DLGAP2: variants seen among roughly 807,000 people sequenced by gnomAD.
DLGAP2 encodes DLG associated protein 2.
A neutral mutation model predicts 100.3 loss-of-function variants in DLGAP2; 26 were observed. The observed-to-expected ratio is 0.26, with a 90% CI of 0.19 to 0.36. DLGAP2 has a LOEUF of 0.36. Among genes scored for constraint, DLGAP2 ranks in the 10% least tolerant of loss-of-function variants. DLGAP2 has a pLI of 1.00. For synonymous variants in DLGAP2, 886 were observed against 630.1 expected (o/e 1.41, Z -6.08); for missense variants, 1,858 against 1,453.2 (o/e 1.28, Z -4.53).
chr8:793,145 T>C (rs1239257769), intron 1 of DLGAP2, among the ~76,000 whole-genome samples: 3 of 152,224 alleles, frequency 2.0e-5, no homozygotes. Flanking sequence ...TCGCTTTTCA[T>C]TTGGCTGATG....
At chr8:1,579,788 C>G in intron 6 of DLGAP2, among the ~76,000 whole-genome samples, 1 of 152,150 alleles carries the variant, frequency 6.6e-6, no homozygotes, top group East Asian at 1.9e-4. Context: ...TGTTACATAT[C>G]GTTGCGTGAC....
At chr8:1,325,539 C>T (rs529105911) in intron 3 of DLGAP2, among the ~76,000 whole-genome samples, 29 of 152,318 alleles carry the variant, frequency 1.9e-4, no homozygotes, top group African/African-American at 7.0e-4. Context: ...ATTGCTAGCT[C>T]AGGCCAAATT....
chr8:901,559 G>C (rs775092863), intron 1 of DLGAP2, among the ~76,000 whole-genome samples: 1 of 152,202 alleles, frequency 6.6e-6, no homozygotes, highest in Non-Finnish European at 1.5e-5. Flanking sequence ...AAATGATCAC[G>C]GTGAGATGTG....
At chr8:1,249,319 G>A (rs1002583403) in intron 2 of DLGAP2, among the ~76,000 whole-genome samples, 16 of 152,148 alleles carry the variant, frequency 1.1e-4, no homozygotes, top group African/African-American at 2.2e-4. Flanking sequence ...CTGCATGAGC[G>A]TCTCAGGGCC....
At chr8:1,212,694 A>T (rs1798130437) in intron 2 of DLGAP2, among the ~76,000 whole-genome samples, 1 of 152,014 alleles carries the variant, frequency 6.6e-6, no homozygotes, top group African/African-American at 2.4e-5. Flanking sequence ...CCTGGGAGTG[A>T]TTAAGAAACC....
At chr8:962,910 C>G (rs1051038546) in intron 2 of DLGAP2, among the ~76,000 whole-genome samples, 3 of 152,184 alleles carry the variant, frequency 2.0e-5, no homozygotes, top group East Asian at 1.9e-4. Context: ...GTGCCTCCCT[C>G]CATGCTGAGG....
intron 3 of DLGAP2, among the ~76,000 whole-genome samples, chr8:1,475,997 C>T (rs905776466): frequency 8.5e-5 from 13 of 152,140 alleles, no homozygotes; most frequent in African/African-American, 2.9e-4. Context: ...GGAGGCAGAG[C>T]TGGCCAACAC....
At chr8:1,541,659 G>A (rs945777576) in intron 4 of DLGAP2, among the ~76,000 whole-genome samples, 1 of 152,158 alleles carries the variant, frequency 6.6e-6, no homozygotes, top group Non-Finnish European at 1.5e-5. Context: ...GAGCCCACTG[G>A]GTTCTAGAAC....
intron 4 of DLGAP2, among the ~76,000 whole-genome samples, 168 bp from the exon 5 acceptor site, chr8:1,548,458 G>GAAAAAA (rs773138776): frequency 2.4e-5 from 1 of 41,580 alleles, no homozygotes; most frequent in Non-Finnish European, 4.2e-5. Flanking sequence ...GACTGTCTCA[G>GAAAAAA]AAAAAAAAAA....
chr8:1,307,194 A>G (rs1215737619), intron 3 of DLGAP2, among the ~76,000 whole-genome samples: 2 of 139,022 alleles, frequency 1.4e-5, no homozygotes, highest in Admixed American at 1.4e-4. Flanking sequence ...CAACAGCAAA[A>G]TAATCTGATT....
intron 2 of DLGAP2, among the ~76,000 whole-genome samples, chr8:1,034,210 CTG>C (rs1802065571): frequency 3.9e-5 from 1 of 25,768 alleles, no homozygotes; most frequent in African/African-American, 2.5e-4. Context: ...CATCCCGACC[CTG>C]CGTGTCACCG....
chr8:1,295,559 C>T lies in DLGAP2; in HGVS notation c.106+36676C>T, dbSNP rs567744399. On this transcript the variant is annotated intron_variant, in intron 3 of 14. Transcript: ENST00000637795. ...CCACCGAAGTGGAAGGGGCTCTGGTCAGCCCCCGCTCCTGGAAACAGCTCT... is the reference window on the plus strand; with the variant it reads ...CCACCGAAGTGGAAGGGGCTCTGGTTAGCCCCCGCTCCTGGAAACAGCTCT... Among the ~76,000 whole-genome samples, 23 of 152,344 alleles carry T rather than the reference C, an allele frequency of 1.5e-4. No individual in the cohort carries two copies. In the East Asian group the frequency reaches 4.1e-3, roughly 27 times the overall value.
At chr8:771,183 C>G (rs1313401658) in intron 1 of DLGAP2, among the ~76,000 whole-genome samples, 1 of 152,182 alleles carries the variant, frequency 6.6e-6, no homozygotes, top group African/African-American at 2.4e-5. Context: ...ACTCTAAACA[C>G]TTAATCATGC....
chr8:801,231 A>T (rs536031399), intron 1 of DLGAP2, among the ~76,000 whole-genome samples: 44 of 152,374 alleles, frequency 2.9e-4, no homozygotes, highest in Non-Finnish European at 6.3e-4. Context: ...AGCAATAATT[A>T]TGATCAATAC....
chr8:1,551,376 T>A (rs2130525938), intron 5 of DLGAP2, among the ~76,000 whole-genome samples: 1 of 152,274 alleles, frequency 6.6e-6, no homozygotes, highest in African/African-American at 2.4e-5. Context: ...GTTCCCTGAA[T>A]GAGCACTTCA....
intron 7 of DLGAP2, among the ~76,000 whole-genome samples, chr8:1,627,300 G>A (rs59672648): frequency 0.061 from 9,293 of 152,196 alleles, 791 homozygotes; most frequent in African/African-American, 0.19. Context: ...AGGATAGCCT[G>A]GTGTCGCTCA....
intron 2 of DLGAP2, among the ~76,000 whole-genome samples, chr8:1,161,487 A>C (rs775836711): frequency 1.3e-5 from 2 of 152,204 alleles, no homozygotes; most frequent in Non-Finnish European, 2.9e-5. Context: ...AGTGAGGGAC[A>C]AATTCTGTTG....
intron 2 of DLGAP2, among the ~76,000 whole-genome samples, chr8:1,176,309 C>A (rs755728738): frequency 6.6e-6 from 1 of 151,504 alleles, no homozygotes; most frequent in East Asian, 2.0e-4. Flanking sequence ...GATCCAGACA[C>A]TTTCCTCAGG....
chr8:793,994 C>G (rs907933724), intron 1 of DLGAP2, among the ~76,000 whole-genome samples: 10 of 152,094 alleles, frequency 6.6e-5, no homozygotes, highest in African/African-American at 2.4e-4. Context: ...ATCCTTTTGG[C>G]CTGTGGGTGG....
Sources: gnomAD v4.1 joint callset for allele counts (sites outside exome capture counted in the v4.1 genomes callset) on GRCh38, gnomAD v4.1.1 for gene constraint, MANE v1.5 for transcripts, NCBI Gene and HGNC (gene_info 2026-07-23, HGNC 2026-07-21) for gene names.